AFF1: variants seen among roughly 807,000 people sequenced by gnomAD.
AFF1 encodes the protein ALF transcription elongation factor 1.
A neutral mutation model predicts 121.7 loss-of-function variants in AFF1; 48 were observed. The ratio of observed to expected loss-of-function variants is 0.39; its 90% confidence interval spans 0.31 to 0.50. The LOEUF (loss-of-function observed/expected upper bound fraction) is 0.50, where lower values mean the gene tolerates loss of function less well. AFF1 is among the 20% of genes least tolerant of loss of function. The probability of loss-of-function intolerance (pLI) is 0.76; values close to 1 mark genes in which losing one functional copy is unlikely to be tolerated. For synonymous variants in AFF1, 613 were observed against 563.0 expected (o/e 1.09, Z -1.26); for missense variants, 1,523 against 1,511.7 (o/e 1.01, Z -0.12).
Position 87,047,576 on chromosome 4 carries a change from G to A in AFF1, c.1041G>A (p.Met347Ile), listed in dbSNP as rs141126812. The A allele has an allele frequency of 2.4e-5, 39 of 1,614,036 alleles. No individual in the cohort carries two copies. In the African/African-American group the frequency reaches 4.7e-4, roughly 19 times the overall value. ...PAKAKLTKLK[M>I]PSQSVEQTYS... ...AAGCCAAGCTCACCAAACTGAAGAT[G>A]CCTTCTCAGTCAGTTGAGGTGTGTG... Residue 347 changes from methionine to isoleucine, a missense_variant, in exon 4 of 21, where the codon ATG becomes ATA. Met to Ile is a conservative substitution (Grantham distance 10). Coordinates refer to ENST00000395146, the MANE Select transcript of AFF1 (RefSeq NM_001166693.3).
At chr4:87,004,180 G>T (rs1725919407) in intron 2 of AFF1, among the ~76,000 whole-genome samples, 1 of 152,092 alleles carries the variant, frequency 6.6e-6, no homozygotes, top group Non-Finnish European at 1.5e-5. Context: ...ACTGAATCTA[G>T]GTGCTAAGAG....
At chr4:87,066,699 G>GT (rs1489565712) in intron 4 of AFF1, among the ~76,000 whole-genome samples, 2 of 152,286 alleles carry the variant, frequency 1.3e-5, no homozygotes, top group African/African-American at 4.8e-5. Flanking sequence ...ACAGGGAAAG[G>GT]TTTTTTGTTC....
At position 87,035,135 on chromosome 4, in the gene AFF1, C is replaced by A. The variant is rs554864994; in HGVS notation, c.39-11031C>A. Among the ~76,000 whole-genome samples the A allele has an allele frequency of 5.3e-5, 8 of 152,214 alleles. No individual in the cohort carries two copies. In the South Asian group the frequency reaches 8.3e-4, roughly 16 times the overall value. ...ACTTTTGAAAGGCAACAGTTAGAGA[C>A]CAGGCAGGGAGAAGATCTGTGCTTC... On this transcript the variant is annotated intron_variant, in intron 2 of 20. Transcript: ENST00000395146.
At chr4:86,996,276 A>C (rs1490346913) in intron 2 of AFF1, among the ~76,000 whole-genome samples, 1 of 152,186 alleles carries the variant, frequency 6.6e-6, no homozygotes, top group Non-Finnish European at 1.5e-5. Context: ...GTTTTGTGGA[A>C]TAGAAAGGGG....
At chr4:87,122,008 T>C (rs1324070753) in intron 12 of AFF1, among the ~76,000 whole-genome samples, 1 of 152,234 alleles carries the variant, frequency 6.6e-6, no homozygotes, top group Non-Finnish European at 1.5e-5. Flanking sequence ...GACTTTGGTG[T>C]TTTCTTTAAG....
At chr4:87,097,686 C>T (rs757634101) in intron 8 of AFF1, among the ~76,000 whole-genome samples, 10 of 151,786 alleles carry the variant, frequency 6.6e-5, no homozygotes, top group Non-Finnish European at 1.3e-4. Flanking sequence ...ATACTGAGGC[C>T]GAGTAGATAA....
intron 2 of AFF1, among the ~76,000 whole-genome samples, chr4:86,986,647 T>C (rs1345935204): frequency 2.6e-5 from 4 of 151,698 alleles, no homozygotes; most frequent in African/African-American, 7.3e-5. Context: ...AAAAAGAATA[T>C]AGATTATAAA....
At chr4:86,958,445 C>T (rs1055096100) in intron 2 of AFF1, among the ~76,000 whole-genome samples, 13 of 150,758 alleles carry the variant, frequency 8.6e-5, no homozygotes, top group African/African-American at 2.2e-4. Flanking sequence ...TAGCCAGGTG[C>T]GGTGGCTCAT....
At chr4:86,967,847 A>G (rs933736899) in intron 2 of AFF1, among the ~76,000 whole-genome samples, 1 of 152,178 alleles carries the variant, frequency 6.6e-6, no homozygotes, top group Non-Finnish European at 1.5e-5. Context: ...TAAGTGGGCA[A>G]TTGGTTCTCT....
intron 2 of AFF1, among the ~76,000 whole-genome samples, chr4:87,004,703 T>C (rs1191475381): frequency 6.6e-6 from 1 of 152,216 alleles, no homozygotes; most frequent in African/African-American, 2.4e-5. Flanking sequence ...TTGGAGCATT[T>C]TGGATTTCAG....
At chr4:87,012,485 G>A (rs549702065) in intron 2 of AFF1, among the ~76,000 whole-genome samples, 10 of 152,152 alleles carry the variant, frequency 6.6e-5, no homozygotes, top group Non-Finnish European at 1.3e-4. Flanking sequence ...GTTCAGTTAC[G>A]TTTTATTGAT....
intron 4 of AFF1, among the ~76,000 whole-genome samples, chr4:87,057,363 T>C (rs1228131295): frequency 6.6e-6 from 1 of 152,222 alleles, no homozygotes; most frequent in African/African-American, 2.4e-5. Context: ...CGGAGAATTA[T>C]TTTGGCTTCA....
intron 4 of AFF1, among the ~76,000 whole-genome samples, chr4:87,063,748 G>A (rs1396118991): frequency 6.6e-6 from 1 of 152,176 alleles, no homozygotes; most frequent in Non-Finnish European, 1.5e-5. Context: ...AATGGGATAT[G>A]TTTGCCTGAC....
At chr4:87,109,187 G>T (rs1726222902) in intron 11 of AFF1, among the ~76,000 whole-genome samples, 1 of 152,158 alleles carries the variant, frequency 6.6e-6, no homozygotes, top group Non-Finnish European at 1.5e-5. Context: ...GCCAGGAAAT[G>T]AAGCTTTCTA....
At chr4:87,025,888 T>A (rs535561943) in intron 2 of AFF1, among the ~76,000 whole-genome samples, 2 of 152,190 alleles carry the variant, frequency 1.3e-5, no homozygotes, top group African/African-American at 4.8e-5. Flanking sequence ...TTACTTGACC[T>A]GTATTTGCTT....
intron 19 of AFF1, among the ~76,000 whole-genome samples, chr4:87,133,035 CAA>C (rs1196904246): frequency 6.6e-6 from 1 of 152,214 alleles, no homozygotes; most frequent in Admixed American, 6.5e-5. Flanking sequence ...GAACACAAAA[CAA>C]GAGGCGGAGC....
At chr4:86,979,648 G>C (rs895753679) in intron 2 of AFF1, among the ~76,000 whole-genome samples, 2 of 152,130 alleles carry the variant, frequency 1.3e-5, no homozygotes, top group African/African-American at 4.8e-5. Flanking sequence ...AATATGAAAA[G>C]ATACTCAGTC....
chr4:87,026,704 C>T (rs11937587), intron 2 of AFF1, among the ~76,000 whole-genome samples: 5,519 of 152,180 alleles, frequency 0.036, 321 homozygotes, highest in African/African-American at 0.13. Context: ...TTTATTGCAG[C>T]AGCATTTAGA....
intron 2 of AFF1, among the ~76,000 whole-genome samples, chr4:87,010,445 C>T (rs1399699035): frequency 6.6e-6 from 1 of 152,148 alleles, no homozygotes; most frequent in Admixed American, 6.5e-5. Context: ...ACATAACAGA[C>T]ACATTGAATA....
Sources: gnomAD v4.1 joint callset for allele counts (sites outside exome capture counted in the v4.1 genomes callset) on GRCh38, gnomAD v4.1.1 for gene constraint, MANE v1.5 for transcripts, NCBI Gene and HGNC (gene_info 2026-07-23, HGNC 2026-07-21) for gene names.